The following IL17RA variants were observed in gnomAD, a reference collection of about 807,000 sequenced individuals.
IL17RA encodes interleukin-17 receptor A.
A neutral mutation model predicts 50.4 loss-of-function variants in IL17RA; 34 were observed. The ratio of observed to expected loss-of-function variants is 0.67; its 90% CI spans 0.51 to 0.90. The LOEUF (loss-of-function observed/expected upper bound fraction) is 0.90. IL17RA is among the 40% of genes least tolerant of loss of function. The pLI is 0.00. For synonymous variants in IL17RA, 585 were observed against 510.4 expected, an observed-to-expected ratio of 1.15 and a Z score of -1.97; for missense variants, 1,276 against 1,169.8, an observed-to-expected ratio of 1.09 and a Z score of -1.32.
In IL17RA at chr22:17,108,678, C is replaced by T. The variant is rs1367323619; in HGVS notation, c.1459C>T (p.Leu487Phe). Residue 487 changes from leucine (L) to phenylalanine (F), a missense_variant, in exon 13 of 13, where the codon CTC becomes TTC. Physicochemically the swap from Leu to Phe is conservative, Grantham distance 22 (BLOSUM62 0). Transcript: ENST00000319363. ...GTTCACTGCAGCCATGAACATGATC[C>T]TCCCGGACTTCAAGAGGCCAGCCTG... ...DLFTAAMNMI[L>F]PDFKRPACFG... 6.2e-7 allele frequency: 1 copy of T among 1,608,492 alleles called. No individual in the cohort carries two copies. The highest frequency in any genetic ancestry group is 1.1e-5 in the South Asian group (1 of 91,076).
At position 17,085,050 on chromosome 22, in the gene IL17RA, G is replaced by C; in HGVS notation, c.-42G>C. 1 of 1,289,292 alleles carries C rather than the reference G, an allele frequency of 7.8e-7. No individual in the cohort carries two copies. Among genetic ancestry groups the C allele is most frequent in the Non-Finnish European group, 9.8e-7 (1 of 1,017,690 alleles). 79.9% of individuals were successfully genotyped at this position (1,289,292 alleles called of 1,614,324 possible). On this transcript the variant is annotated 5_prime_UTR_variant, in exon 1 of 13. Transcript: ENST00000319363. ...AAGCCTCAGAACGTTCGTTCGCTGC[G>C]TCCCCAGCCGGGGCCGAGCCCTCCG...
intron 4 of IL17RA, among the ~76,000 whole-genome samples, chr22:17,100,073 G>A (rs2061384364): frequency 6.7e-6 from 1 of 149,108 alleles, no homozygotes. Flanking sequence ...GGAGGGGTGG[G>A]ACTACTTCCA....
chr22:17,094,694 T>TATATATATATATATAC (rs2061362142), intron 1 of IL17RA, among the ~76,000 whole-genome samples: 2 of 93,524 alleles, frequency 2.1e-5, no homozygotes, highest in Admixed American at 1.0e-4. Flanking sequence ...TCTCTCTCTA[T>TATATATATATATATAC]ATATATATAT....
intron 5 of IL17RA, 131 bp from the exon 6 acceptor site, chr22:17,101,865 T>C: frequency 9.2e-7 from 1 of 1,081,478 alleles, no homozygotes; most frequent in Non-Finnish European, 1.4e-6. Flanking sequence ...GCCCTGGAGC[T>C]CACTCTGAAG....
chr22:17,091,323 C>T (rs1233409540), intron 1 of IL17RA, among the ~76,000 whole-genome samples: 1 of 152,050 alleles, frequency 6.6e-6, no homozygotes, highest in Non-Finnish European at 1.5e-5. Context: ...ATAATTTTCC[C>T]TCAGAATTGT....
At chr22:17,107,346 C>T (rs2061418505) in intron 11 of IL17RA, among the ~76,000 whole-genome samples, 1 of 152,214 alleles carries the variant, frequency 6.6e-6, no homozygotes, top group Non-Finnish European at 1.5e-5. Context: ...ATGGACACCA[C>T]CCCCTGCCCC....
At chr22:17,093,975 C>CTTTTTTATTTTATTTTAT (rs969914337) in intron 1 of IL17RA, 1 of 147,538 alleles carries the variant, frequency 6.8e-6, no homozygotes, top group South Asian at 2.2e-4. Flanking sequence ...TTTTATCTTA[C>CTTTTTTATTTTATTTTAT]TTTATTTTAT....
chr22:17,090,817 T>C (rs1280832477), intron 1 of IL17RA, among the ~76,000 whole-genome samples: 2 of 152,234 alleles, frequency 1.3e-5, no homozygotes, highest in African/African-American at 4.8e-5. Flanking sequence ...ATATATTTTT[T>C]CTGGTACAAT....
chr22:17,085,920 G>A (rs983175408), intron 1 of IL17RA, among the ~76,000 whole-genome samples: 4 of 152,182 alleles, frequency 2.6e-5, no homozygotes, highest in African/African-American at 7.2e-5. Flanking sequence ...CTCCCCAGAG[G>A]CGCGAAGCCC....
chr22:17,091,358 A>G (rs2061347087), intron 1 of IL17RA, among the ~76,000 whole-genome samples: 1 of 152,188 alleles, frequency 6.6e-6, no homozygotes, highest in Admixed American at 6.5e-5. Flanking sequence ...ATTGCCTTCT[A>G]GCAAACAGTA....
intron 1 of IL17RA, among the ~76,000 whole-genome samples, chr22:17,087,002 G>A (rs1349474516): frequency 6.6e-6 from 1 of 152,202 alleles, no homozygotes; most frequent in Non-Finnish European, 1.5e-5. Context: ...GCTCCAGGGA[G>A]GGCTGAAGAG....
At chr22:17,094,673 C>CTATATATATATATGTG (rs1568917416) in intron 1 of IL17RA, among the ~76,000 whole-genome samples, 13 of 47,850 alleles carry the variant, frequency 2.7e-4, no homozygotes, top group Admixed American at 3.7e-4. Flanking sequence ...CTCTCTCTCT[C>CTATATATATATATGTG]TCTCTCTCTC....
chr22:17,109,754 C>T lies in IL17RA; in HGVS notation c.2535C>T (p.Phe845=), dbSNP rs1408524850. ...GGAGCCTCCAGCGGCAGCTGCTTTTCCGCCAGCTGCAGAAGAACTCGGGCT... is the reference window on the plus strand; with the variant it reads ...GGAGCCTCCAGCGGCAGCTGCTTTTTCGCCAGCTGCAGAAGAACTCGGGCT... ...SLRSLQRQLL[F]RQLQKNSGWD... is the part of the protein sequence containing the mutation. Residue 845 remains phenylalanine (F), a synonymous_variant, in exon 13 of 13, where the codon TTC becomes TTT. Transcript: ENST00000319363. The T allele has an allele frequency of 1.0e-5, 16 of 1,557,454 alleles. No individual in the cohort carries two copies. Among genetic ancestry groups the T allele is most frequent in the Non-Finnish European group, 1.3e-5 (15 of 1,150,934 alleles).
chr22:17,112,600 C>T lies in IL17RA; in HGVS notation c.*2780C>T, dbSNP rs2061448104. The T allele has an allele frequency of 6.6e-6, 1 of 152,200 alleles. No homozygotes were observed. Among genetic ancestry groups the T allele is most frequent in the South Asian group, 2.1e-4 (1 of 4,834 alleles). The allele number at this position is 152,200 out of a possible 1,614,324, so 9.4% of individuals were successfully genotyped here. On this transcript the variant is annotated 3_prime_UTR_variant, in exon 13 of 13. Transcript: ENST00000319363. ...TTCTCCTCACATTCCCTCCCCATTT[C>T]CTGGGCCCAGTCTCACACTGGTCCT...
intron 3 of IL17RA, 148 bp from the exon 4 acceptor site, chr22:17,098,627 A>T (rs1311516857): frequency 2.8e-6 from 2 of 713,076 alleles, no homozygotes; most frequent in South Asian, 1.5e-5. Context: ...CCAGAGAGTG[A>T]ACTGAAAGGA....
intron 1 of IL17RA, among the ~76,000 whole-genome samples, chr22:17,094,349 G>C (rs1484437416): frequency 6.6e-6 from 1 of 151,646 alleles, no homozygotes; most frequent in African/African-American, 2.4e-5. Context: ...TTAAAATTTT[G>C]TTCACATCTT....
At chr22:17,092,829 A>G (rs1428136519) in intron 1 of IL17RA, among the ~76,000 whole-genome samples, 2 of 152,012 alleles carry the variant, frequency 1.3e-5, no homozygotes, top group Non-Finnish European at 2.9e-5. Context: ...TTGAATCTCT[A>G]ATGATCATAT....
chr22:17,108,906 G>A lies in IL17RA; in HGVS notation c.1687G>A (p.Gly563Ser), dbSNP rs2061426499. The A allele has an allele frequency of 6.2e-7, 1 of 1,611,570 alleles. No individual in the cohort carries two copies. The highest frequency in any genetic ancestry group is 1.7e-5 in the Admixed American group (1 of 59,862). Residue 563 changes from glycine (G) to serine (S), a missense_variant, in exon 13 of 13, where the codon GGC becomes AGC. Transcript: ENST00000319363. ...LSGDNYLRSPGGRQLRAALDR... is the reference protein window; with the variant it reads ...LSGDNYLRSPSGRQLRAALDR... ...GGGGGACAACTACCTGCGGAGCCCG[G>A]GCGGCAGGCAGCTCCGCGCCGCCCT...
intron 3 of IL17RA, among the ~76,000 whole-genome samples, chr22:17,098,542 C>T (rs1296836644): frequency 6.6e-6 from 1 of 152,224 alleles, no homozygotes; most frequent in Non-Finnish European, 1.5e-5. Flanking sequence ...AAAGCCTTTA[C>T]TTCTAGCCCA....
Sources: gnomAD v4.1 joint callset for allele counts (sites outside exome capture counted in the v4.1 genomes callset) on GRCh38, gnomAD v4.1.1 for gene constraint, MANE v1.5 for transcripts, NCBI Gene and HGNC (gene_info 2026-07-23, HGNC 2026-07-21) for gene names.